FCHO2: variants seen among roughly 807,000 people sequenced by gnomAD.
FCHO2 encodes the protein FCH and mu domain containing endocytic adaptor 2.
Under a neutral mutation model 114.1 loss-of-function variants are expected in FCHO2, and 43 were observed. That is an observed-to-expected ratio of 0.38 (90% CI 0.30 to 0.49). The LOEUF is 0.49. Ranked by LOEUF, FCHO2 falls within the 20% of genes least tolerant of loss-of-function variation. The pLI is 0.97. For synonymous variants in FCHO2, 293 were observed against 315.2 expected (o/e 0.93, Z 0.75); for missense variants, 807 against 950.4 (o/e 0.85, Z 1.98).
At chr5:73,074,499 C>A (rs1221796118) in intron 19 of FCHO2, among the ~76,000 whole-genome samples, 1 of 151,848 alleles carries the variant, frequency 6.6e-6, no homozygotes, top group African/African-American at 2.4e-5. Flanking sequence ...ATTCCTTAAC[C>A]ATTCTGTCTT....
intron 11 of FCHO2, among the ~76,000 whole-genome samples, chr5:73,043,064 G>A (rs555372460): frequency 8.5e-5 from 13 of 152,142 alleles, no homozygotes; most frequent in Non-Finnish European, 1.3e-4. Context: ...ATGTAGCTGG[G>A]ACTACAGGCA....
intron 10 of FCHO2, among the ~76,000 whole-genome samples, chr5:73,040,985 A>G (rs112598332): frequency 2.6e-5 from 4 of 152,252 alleles, no homozygotes; most frequent in African/African-American, 7.2e-5. Flanking sequence ...CATGGAAAAG[A>G]ATTATTTTTC....
intron 5 of FCHO2, among the ~76,000 whole-genome samples, chr5:72,991,916 T>G (rs955029000): frequency 6.6e-6 from 1 of 152,182 alleles, no homozygotes; most frequent in African/African-American, 2.4e-5. Flanking sequence ...GAGTTAATTT[T>G]TAACAACAGA....
intron 9 of FCHO2, among the ~76,000 whole-genome samples, chr5:73,035,352 G>T (rs1007732691): frequency 2.2e-4 from 34 of 152,208 alleles, no homozygotes; most frequent in African/African-American, 7.2e-4. Flanking sequence ...CTGGGAGGAG[G>T]AGTCTGTGGT....
intron 8 of FCHO2, among the ~76,000 whole-genome samples, chr5:73,019,448 G>A (rs1419680053): frequency 6.6e-5 from 10 of 152,076 alleles, no homozygotes; most frequent in African/African-American, 2.2e-4. Flanking sequence ...AGGCTGAGGC[G>A]GGAGAATTGC....
Position 73,074,182 on chromosome 5 carries a change from GT to G in FCHO2, c.1580-548del, listed in dbSNP as rs35222340. On this transcript the variant is annotated intron_variant, in intron 19 of 25. Coordinates refer to ENST00000430046, the MANE Select transcript of FCHO2 (RefSeq NM_138782.3). ...CTTATCTGAGTGAACTTTGGCCAGG[GT>G]TTTTTTTTTTTAAATAATGTTATTA... Among the ~76,000 whole-genome samples, 100 of 143,720 alleles carry G rather than the reference GT, an allele frequency of 7.0e-4. 1 individual carries two copies. Among genetic ancestry groups the G allele is most frequent in the South Asian group, 2.2e-3 (10 of 4,566 alleles). 94.3% of individuals were successfully genotyped at this position (143,720 alleles called of 152,430 possible).
intron 5 of FCHO2, among the ~76,000 whole-genome samples, chr5:72,991,216 C>T (rs1380460237): frequency 1.3e-5 from 2 of 152,180 alleles, no homozygotes; most frequent in East Asian, 1.9e-4. Flanking sequence ...AGGCGCATGA[C>T]ACCACATCCG....
At chr5:73,077,209 G>T in intron 20 of FCHO2, 129 bp from the exon 21 acceptor site, 2 of 611,064 alleles carry the variant, frequency 3.3e-6, no homozygotes, top group South Asian at 4.2e-5. Context: ...TATGATAAAG[G>T]ATATAGATAT....
At chr5:72,970,591 A>G (rs1487139230) in intron 2 of FCHO2, among the ~76,000 whole-genome samples, 1 of 151,922 alleles carries the variant, frequency 6.6e-6, no homozygotes, top group Non-Finnish European at 1.5e-5. Flanking sequence ...CCTCTGAATT[A>G]CATGTCAAAA....
intron 11 of FCHO2, among the ~76,000 whole-genome samples, chr5:73,045,668 GTTA>G (rs1429550369): frequency 1.3e-5 from 2 of 152,008 alleles, no homozygotes; most frequent in Non-Finnish European, 2.9e-5. Flanking sequence ...TTTCCCCTTT[GTTA>G]TTATTCATGT....
intron 2 of FCHO2, among the ~76,000 whole-genome samples, chr5:72,974,713 A>T (rs1366902969): frequency 6.6e-6 from 1 of 151,888 alleles, no homozygotes; most frequent in Non-Finnish European, 1.5e-5. Flanking sequence ...ATTTAAAGTT[A>T]ATGTTGTTAT....
rs1361360178 is a variant in FCHO2, at chr5:73,015,607, C to G, written c.601-19C>G. 7.2e-7 allele frequency: 1 copy of G among 1,398,428 alleles called. No homozygotes were observed. The highest frequency in any genetic ancestry group is 9.9e-7 in the Non-Finnish European group (1 of 1,011,092). The allele number at this position is 1,398,428 out of a possible 1,614,324, so 86.6% of individuals were successfully genotyped here. On this transcript the variant is annotated intron_variant, in intron 6 of 25. Coordinates refer to ENST00000430046, the MANE Select transcript of FCHO2 (RefSeq NM_138782.3). ...ACCTGTATATGTTATAAATCTATAA[C>G]TTTGTATATGTTACCCAGAAATTTC...
intron 15 of FCHO2, 71 bp from the exon 16 acceptor site, chr5:73,055,994 A>C (rs1757575782): frequency 6.8e-6 from 7 of 1,035,556 alleles, no homozygotes; most frequent in Middle Eastern, 3.0e-4. Flanking sequence ...ATGTGTATAG[A>C]GTTTCTGTTT....
Position 73,081,833 on chromosome 5 carries a change from GAAATGT to G in FCHO2, c.2033_2038del (p.Lys678_Cys679del). The G allele has an allele frequency of 6.2e-7, 1 of 1,607,304 alleles. No individual in the cohort carries two copies. The highest frequency in any genetic ancestry group is 8.5e-7 in the Non-Finnish European group (1 of 1,176,428). ...CTCCTCTGAATCTTGCAACATACTG[GAAATGT>G]AGTGCTAGCACCACAGATCTTAGAG... On this transcript the variant is annotated inframe_deletion, in exon 23 of 26. Transcript: ENST00000430046.
chr5:72,987,168 G>T (rs1753570155), intron 2 of FCHO2, among the ~76,000 whole-genome samples: 1 of 151,990 alleles, frequency 6.6e-6, no homozygotes, highest in Non-Finnish European at 1.5e-5. Flanking sequence ...GAGCCACCGT[G>T]CCCGGCCTAT....
At chr5:73,023,265 T>G (rs1231364848) in intron 8 of FCHO2, among the ~76,000 whole-genome samples, 1 of 152,258 alleles carries the variant, frequency 6.6e-6, no homozygotes, top group Non-Finnish European at 1.5e-5. Context: ...TTTAATCATG[T>G]TATTAATGTT....
intron 2 of FCHO2, among the ~76,000 whole-genome samples, chr5:72,980,853 G>A (rs182505744): frequency 6.6e-6 from 1 of 152,134 alleles, no homozygotes; most frequent in African/African-American, 2.4e-5. Context: ...ATGTGAGATG[G>A]GTGTCCTGAA....
In FCHO2 at chr5:73,066,722, C is replaced by T. The variant is rs570285347; in HGVS notation, c.1450-1928C>T. Among the ~76,000 whole-genome samples, 112 of 151,930 alleles carry T rather than the reference C, an allele frequency of 7.4e-4. 1 individual carries two copies. The highest frequency in any genetic ancestry group is 2.7e-3 in the African/African-American group (110 of 41,482). On this transcript the variant is annotated intron_variant, in intron 18 of 25. Coordinates refer to ENST00000430046, the MANE Select transcript of FCHO2 (RefSeq NM_138782.3). ...ATTGTTCTAGAGCAGGGGCACCCAA[C>T]GTGCAGTACCAGATCAGTAGCATTA...
At chr5:72,979,634 G>A (rs1242045761) in intron 2 of FCHO2, among the ~76,000 whole-genome samples, 6 of 151,370 alleles carry the variant, frequency 4.0e-5, no homozygotes, top group South Asian at 2.1e-4. Context: ...CTCGTGATCC[G>A]CCCGCCTCGG....
Sources: allele counts gnomAD v4.1 joint callset (sites outside exome capture counted in the v4.1 genomes callset), GRCh38; gene constraint gnomAD v4.1.1; transcripts MANE v1.5; gene names NCBI Gene and HGNC (gene_info 2026-07-23, HGNC 2026-07-21).